SPRED2: variants seen among roughly 807,000 people sequenced by gnomAD.
SPRED2 encodes sprouty related EVH1 domain containing 2.
Under a neutral mutation model 43.0 loss-of-function variants are expected in SPRED2, and 47 were observed. That is an observed-to-expected ratio of 1.09 (90% CI 0.87 to 1.40). SPRED2 has a LOEUF of 1.40. Among genes scored for constraint, SPRED2 ranks in the 40% most tolerant of loss-of-function variants. The probability of loss-of-function intolerance (pLI) is 0.00; values close to 1 mark genes in which losing one functional copy is unlikely to be tolerated. For missense variants in SPRED2, 561 were observed against 586.4 expected (o/e 0.96, Z 0.45); for synonymous variants, 225 against 225.7 (o/e 1.00, Z 0.03).
At chr2:65,384,690 T>G (rs376260496) in intron 1 of SPRED2, among the ~76,000 whole-genome samples, 1 of 152,150 alleles carries the variant, frequency 6.6e-6, no homozygotes, top group Non-Finnish European at 1.5e-5. Context: ...CTCACTCCAG[T>G]GAAACTCATC....
At chr2:65,395,484 TCCC>T (rs1675738624) in intron 1 of SPRED2, among the ~76,000 whole-genome samples, 1 of 152,022 alleles carries the variant, frequency 6.6e-6, no homozygotes, top group South Asian at 2.1e-4. Flanking sequence ...GAACCCCAAC[TCCC>T]TCACACTCAT....
intron 3 of SPRED2, among the ~76,000 whole-genome samples, chr2:65,333,259 C>CAAAAA (rs200576180): frequency 2.1e-5 from 2 of 93,610 alleles, no homozygotes; most frequent in Non-Finnish European, 4.3e-5. Flanking sequence ...GACTCCATCT[C>CAAAAA]AAAAAAAAAA....
chr2:65,382,010 C>A (rs1675384360), intron 1 of SPRED2, among the ~76,000 whole-genome samples: 1 of 152,116 alleles, frequency 6.6e-6, no homozygotes. Context: ...CAATATATGT[C>A]TGCGCTTGAG....
intron 1 of SPRED2, chr2:65,366,753 G>A: frequency 6.8e-7 from 1 of 1,468,050 alleles, no homozygotes; most frequent in Non-Finnish European, 9.0e-7. Context: ...CAGTCTCCTT[G>A]ACAAATATAC....
chr2:65,370,266 G>A (rs10188658), intron 1 of SPRED2, among the ~76,000 whole-genome samples: 17,772 of 152,120 alleles, frequency 0.12, 3,439 homozygotes, highest in African/African-American at 0.4. Context: ...GCGACCATTC[G>A]CAACAAGTAC....
At chr2:65,352,160 C>G (rs780330806) in intron 1 of SPRED2, among the ~76,000 whole-genome samples, 2 of 152,208 alleles carry the variant, frequency 1.3e-5, no homozygotes, top group Non-Finnish European at 2.9e-5. Flanking sequence ...GACTCGATCG[C>G]AAAGATGCCA....
At chr2:65,310,458 T>TACACACACACAC (rs55916427), downstream of SPRED2, among the ~76,000 whole-genome samples, 11 of 137,988 alleles carry the variant, frequency 8.0e-5, no homozygotes, top group African/African-American at 2.9e-4. Flanking sequence ...TCCTCCAAAC[T>TACACACACACAC]ACACACACAC....
At chr2:65,412,257 C>T (rs1676179760) in intron 1 of SPRED2, among the ~76,000 whole-genome samples, 1 of 152,172 alleles carries the variant, frequency 6.6e-6, no homozygotes, top group African/African-American at 2.4e-5. Context: ...TTCAAAAACG[C>T]AGATTCCCTA....
At chr2:65,326,451 G>C (rs908996474) in intron 4 of SPRED2, among the ~76,000 whole-genome samples, 1 of 152,180 alleles carries the variant, frequency 6.6e-6, no homozygotes, top group Non-Finnish European at 1.5e-5. Context: ...GCCTACGTTG[G>C]TTCCAGGTGT....
chr2:65,353,995 TG>T (rs931715482), intron 1 of SPRED2, among the ~76,000 whole-genome samples: 10 of 152,120 alleles, frequency 6.6e-5, no homozygotes, highest in African/African-American at 1.9e-4. Context: ...CTTTCTTTCC[TG>T]CTGTGTCCTG....
chr2:65,374,464 T>A (rs906579), intron 1 of SPRED2, among the ~76,000 whole-genome samples: 51,703 of 151,920 alleles, frequency 0.34, 9,852 homozygotes, highest in Non-Finnish European at 0.44. Context: ...TAAATTCAGA[T>A]TCTAAACTCA....
chr2:65,313,482 AGAAG>A lies in SPRED2; in HGVS notation c.*15_*18del. The A allele has an allele frequency of 6.3e-7, 1 of 1,581,066 alleles. No homozygotes were observed. On this transcript the variant is annotated 3_prime_UTR_variant, in exon 6 of 6. Transcript: ENST00000356388. ...TTCCCCTGTGGCTGCGGATGGAGGG[AGAAG>A]GGAGGGAAACTGAGTCACGCGGCCG... is the stretch of plus-strand genomic sequence containing the variant.
chr2:65,423,842 C>T (rs1268282922), intron 1 of SPRED2, among the ~76,000 whole-genome samples: 1 of 150,952 alleles, frequency 6.6e-6, no homozygotes, highest in East Asian at 1.9e-4. Context: ...GGTGCAATCT[C>T]TGCTTAGCAC....
At chr2:65,370,477 G>C (rs886331941) in intron 1 of SPRED2, among the ~76,000 whole-genome samples, 1 of 152,080 alleles carries the variant, frequency 6.6e-6, no homozygotes, top group Admixed American at 6.5e-5. Context: ...GAAACCATAC[G>C]GTCCCCAAAG....
At chr2:65,341,242 C>T (rs1674175491) in intron 2 of SPRED2, among the ~76,000 whole-genome samples, 1 of 151,036 alleles carries the variant, frequency 6.6e-6, no homozygotes, top group African/African-American at 2.4e-5. Flanking sequence ...GATGGAGAGA[C>T]AGAGAAGTAC....
At chr2:65,385,444 T>C (rs1292572315) in intron 1 of SPRED2, among the ~76,000 whole-genome samples, 1 of 152,200 alleles carries the variant, frequency 6.6e-6, no homozygotes, top group Non-Finnish European at 1.5e-5. Context: ...CATTGTGAAC[T>C]GGGCTACCCA....
intron 1 of SPRED2, among the ~76,000 whole-genome samples, chr2:65,403,583 C>T (rs779903670): frequency 2.6e-5 from 4 of 152,114 alleles, no homozygotes; most frequent in African/African-American, 4.8e-5. Flanking sequence ...GACATTTTTA[C>T]GACACAAAGA....
At chr2:65,336,170 C>T (rs1673961548) in intron 2 of SPRED2, among the ~76,000 whole-genome samples, 1 of 152,114 alleles carries the variant, frequency 6.6e-6, no homozygotes, top group Admixed American at 6.5e-5. Context: ...GCCTGGGCAA[C>T]ATGGCAGGAC....
chr2:65,316,975 T>C, intron 4 of SPRED2, 92 bp from the exon 5 acceptor site: 1 of 1,349,530 alleles, frequency 7.4e-7, no homozygotes, highest in Non-Finnish European at 1.0e-6. Flanking sequence ...AAATACTAGC[T>C]ATTCCCTGGT....
Sources: allele counts gnomAD v4.1 joint callset (sites outside exome capture counted in the v4.1 genomes callset), GRCh38; gene constraint gnomAD v4.1.1; transcripts MANE v1.5; gene names NCBI Gene and HGNC (gene_info 2026-07-23, HGNC 2026-07-21).